Variants in SPTB observed in about 807,000 individuals in gnomAD.
The protein encoded by SPTB is spectrin beta chain, erythrocytic.
A neutral mutation model predicts 256.2 loss-of-function variants in SPTB; 45 were observed. The ratio of observed to expected loss-of-function variants is 0.18; its 90% CI spans 0.14 to 0.23. The LOEUF (loss-of-function observed/expected upper bound fraction) is 0.23, where lower values mean the gene tolerates loss of function less well. Among genes scored for constraint, SPTB ranks in the 10% least tolerant of loss-of-function variants. SPTB has a pLI of 1.00. For synonymous variants in SPTB, 1,231 were observed against 1,243.1 expected (o/e 0.99, Z 0.21); for missense variants, 2,715 against 3,040.4 (o/e 0.89, Z 2.52).
In SPTB at chr14:64,759,781, C is replaced by G. The variant is rs565325384; in HGVS notation, c.6346-5988G>C. Among the ~76,000 whole-genome samples the G allele has an allele frequency of 6.6e-6, 1 of 152,196 alleles. No individual in the cohort carries two copies. The highest frequency in any genetic ancestry group is 1.5e-5 in the Non-Finnish European group (1 of 68,032). On this transcript the variant is annotated intron_variant, in intron 32 of 35. Transcript: ENST00000644917. The surrounding 1 kb of genome is among the most constrained non-coding windows in gnomAD (Gnocchi z 4.8). ...TGTACCACTGAGGGCTGCCACCCACCGGAGCAGGGGACACTCTGAAGGAAG... is the reference window on the plus strand; with the variant it reads ...TGTACCACTGAGGGCTGCCACCCACGGGAGCAGGGGACACTCTGAAGGAAG...
At chr14:64,815,223 G>T (rs1007741911) in intron 2 of SPTB, among the ~76,000 whole-genome samples, 1 of 152,254 alleles carries the variant, frequency 6.6e-6, no homozygotes, top group African/African-American at 2.4e-5. Context: ...AGAGGCAGGA[G>T]CCAAGAGGCT....
rs1345723129 is a variant in SPTB, at chr14:64,824,962, C to T, written c.-51-1817G>A. Among the ~76,000 whole-genome samples the T allele has an allele frequency of 6.6e-6, 1 of 152,150 alleles. No homozygotes were observed. Among genetic ancestry groups the T allele is most frequent in the African/African-American group, 2.4e-5 (1 of 41,440 alleles). On this transcript the variant is annotated intron_variant, in intron 1 of 35. Coordinates refer to ENST00000644917, the MANE Select transcript of SPTB (RefSeq NM_001355436.2). The surrounding 1 kb of genome is among the most constrained non-coding windows in gnomAD (Gnocchi z 5.7). ...AACCAAGGCCTGCTGCAGGAGGAGGCCTCCCCAGGGTCATCCGGTGGAATG... is the reference window on the plus strand; with the variant it reads ...AACCAAGGCCTGCTGCAGGAGGAGGTCTCCCCAGGGTCATCCGGTGGAATG...
Position 64,749,355 on chromosome 14 carries a change from C to CCGAGGCTGGCGT in SPTB, c.6926_6937dup (p.Asp2309_Leu2312dup), listed in dbSNP as rs748362034. On this transcript the variant is annotated inframe_insertion, in exon 36 of 36. Transcript: ENST00000644917. This position sits in a 1 kb window ranked among gnomAD's most constrained non-coding sequence, Gnocchi z 4.7. ...GAATCTCTTCTCCTTGTCTTTCTTG[C>CCGAGGCTGGCGT]CGAGGCTGGCGTCGGGGCCGGAGAG... 2.5e-6 allele frequency: 4 copies of CCGAGGCTGGCGT among 1,610,416 alleles called. No individual in the cohort carries two copies. In the Admixed American group the frequency reaches 5.0e-5, roughly 20 times the overall value.
At chr14:64,801,465 A>G (rs1274276896) in intron 6 of SPTB, 65 bp from the exon 7 acceptor site, 4 of 1,192,510 alleles carry the variant, frequency 3.4e-6, no homozygotes, top group Non-Finnish European at 3.8e-6. Flanking sequence ...GGGCAGCCCT[A>G]GCATGAAGCA....
chr14:64,860,467 A>C (rs1244825340), intron 1 of SPTB, among the ~76,000 whole-genome samples: 2 of 152,076 alleles, frequency 1.3e-5, no homozygotes, highest in Non-Finnish European at 2.9e-5. Flanking sequence ...AAAGGGAAGG[A>C]ACACCCAGGT....
At chr14:64,753,989 T>C (rs1021553944) in intron 32 of SPTB, 196 bp from the exon 33 acceptor site, 2 of 702,200 alleles carry the variant, frequency 2.8e-6, no homozygotes, top group African/African-American at 1.8e-5. Flanking sequence ...ACTCTGCCTG[T>C]GCTTCTGGCT....
chr14:64,799,752 C>T lies in SPTB; in HGVS notation c.1059G>A (p.Pro353=), dbSNP rs369464948. Residue 353 remains proline, a synonymous_variant, in exon 9 of 36, where the codon CCG becomes CCA. Coordinates refer to ENST00000644917, the MANE Select transcript of SPTB (RefSeq NM_001355436.2). The part of the protein sequence containing the change: ...AFSTYRTVEK[P]PKFQEKGNLE... ...CCATGTGCCAGGGCCCTTACTTGGG[C>T]GGCTTCTCCACGGTGCGGTAGGTGC... is the stretch of plus-strand genomic sequence containing the variant. 167 of 1,614,004 alleles carry T rather than the reference C, an allele frequency of 1.0e-4. No homozygotes were observed. The highest frequency in any genetic ancestry group is 1.3e-4 in the Non-Finnish European group (149 of 1,180,024).
chr14:64,781,595 G>A (rs990235795), intron 20 of SPTB, among the ~76,000 whole-genome samples: 2 of 152,190 alleles, frequency 1.3e-5, no homozygotes, highest in Non-Finnish European at 2.9e-5. Context: ...AGAGAAAAGG[G>A]AACCCTTATA....
Position 64,854,524 on chromosome 14 carries a change from C to T in SPTB, c.-52+25268G>A, listed in dbSNP as rs182151016. ...CGATCTCCTGACCTCATGATCCGCC[C>T]GCCTCCGCCTCCCAAAGTGCTGGGA... On this transcript the variant is annotated intron_variant, in intron 1 of 35. Coordinates refer to ENST00000644917, the MANE Select transcript of SPTB (RefSeq NM_001355436.2). Among the ~76,000 whole-genome samples, 73 of 151,824 alleles carry T rather than the reference C, an allele frequency of 4.8e-4. 1 individual carries two copies. In the East Asian group the frequency reaches 0.012, roughly 24 times the overall value.
intron 1 of SPTB, among the ~76,000 whole-genome samples, chr14:64,833,270 G>A (rs2083475291): frequency 6.6e-6 from 1 of 152,146 alleles, no homozygotes; most frequent in African/African-American, 2.4e-5. Flanking sequence ...TCCCACCTCT[G>A]CTGGGCGCGG....
At chr14:64,766,546 A>G in intron 32 of SPTB, 180 bp downstream of exon 32, 1 of 1,537,570 alleles carries the variant, frequency 6.5e-7, no homozygotes, top group Non-Finnish European at 8.7e-7. Flanking sequence ...ACTCTCATGA[A>G]GAACACCTCA....
intron 1 of SPTB, among the ~76,000 whole-genome samples, chr14:64,868,180 G>A (rs1566811607): frequency 6.6e-6 from 1 of 152,208 alleles, no homozygotes; most frequent in Non-Finnish European, 1.5e-5. Context: ...TGTGGGATGG[G>A]TTAGAAAGGT....
rs1555367785 is a variant in SPTB at position 64,774,382 on chromosome 14, A to G, written c.4973+15T>C. ...CCCCATCTCCTGACCGAGTCACCACAGGGGGCGCACGCACCCCTCAGGGTG... is the reference window on the plus strand; with the variant it reads ...CCCCATCTCCTGACCGAGTCACCACGGGGGGCGCACGCACCCCTCAGGGTG... On this transcript the variant is annotated intron_variant, in intron 24 of 35. Coordinates refer to ENST00000644917, the MANE Select transcript of SPTB (RefSeq NM_001355436.2). 1 of 1,584,166 alleles carries G rather than the reference A, an allele frequency of 6.3e-7. No homozygotes were observed. Among genetic ancestry groups the G allele is most frequent in the South Asian group, 1.1e-5 (1 of 87,068 alleles).
Position 64,775,172 on chromosome 14 carries a change from A to C in SPTB, c.4795T>G (p.Trp1599Gly). 1 of 1,614,004 alleles carries C rather than the reference A, an allele frequency of 6.2e-7. No individual in the cohort carries two copies. Among genetic ancestry groups the C allele is most frequent in the Non-Finnish European group, 8.5e-7 (1 of 1,180,046 alleles). The change falls in exon 23 of 36, where the codon TGG (tryptophan) becomes GGG (glycine). Residue 1599 changes from tryptophan to glycine, a missense_variant. This residue lies in a region of SPTB where 2,239 missense variants were observed against 2,384.4 expected (regional missense o/e 0.94). Coordinates refer to ENST00000644917, the MANE Select transcript of SPTB (RefSeq NM_001355436.2). This position sits in a 1 kb window ranked among gnomAD's most constrained non-coding sequence, Gnocchi z 5.0. ...ACGTAGAGCTCCTGCTCGCCAATCC[A>C]GGCCTCAGCCTCGTCTGCATCCAGG... ...YYLDADEAEA[W>G]IGEQELYVIS...
chr14:64,867,204 A>T lies in SPTB; in HGVS notation c.-52+12588T>A, dbSNP rs549682069. On this transcript the variant is annotated intron_variant, in intron 1 of 35. Coordinates refer to ENST00000644917, the MANE Select transcript of SPTB (RefSeq NM_001355436.2). ...CTCCGTCCCATCCATAGTGTCTTCC[A>T]TTAGCCCCTCTTCATAATCTTCTAT... 1.6e-4 allele frequency among the ~76,000 whole-genome samples: 24 copies of T among 152,348 alleles called. No individual in the cohort carries two copies. The South Asian group carries it at 5.0e-3, about 32-fold the overall frequency.
Position 64,779,451 on chromosome 14 carries a change from G to A in SPTB, c.4474-205C>T, listed in dbSNP as rs2139531547. Among the ~76,000 whole-genome samples the A allele has an allele frequency of 6.6e-6, 1 of 152,352 alleles. No homozygotes were observed. The highest frequency in any genetic ancestry group is 2.4e-5 in the African/African-American group (1 of 41,580). ...CAAATAACTTGCTCCTAGTCAGACA[G>A]TGGGAAGGTAATGTAGCTGGATCTC... On this transcript the variant is annotated intron_variant, in intron 21 of 35. Coordinates refer to ENST00000644917, the MANE Select transcript of SPTB (RefSeq NM_001355436.2). The surrounding 1 kb of genome is among the most constrained non-coding windows in gnomAD (Gnocchi z 4.2).
intron 1 of SPTB, among the ~76,000 whole-genome samples, chr14:64,849,019 A>G (rs565608908): frequency 6.6e-6 from 1 of 152,340 alleles, no homozygotes; most frequent in Admixed American, 6.5e-5. Flanking sequence ...TATTCTCCCC[A>G]AAAGCTCTGA....
intron 2 of SPTB, 130 bp downstream of exon 2, chr14:64,822,817 A>G (rs1006613): frequency 0.053 from 75,263 of 1,425,766 alleles, 5,577 homozygotes; most frequent in African/African-American, 0.33. Context: ...CCTGAGCCCG[A>G]CAAACACGTC....
In SPTB at chr14:64,823,950, G is replaced by A. The variant is rs1032483331; in HGVS notation, c.-51-805C>T. ...TTGTGAGTCCATGTGATGAACCAGCGCATCAGGAGCACTGGGTCCTCCCTC... is the reference window on the plus strand; with the variant it reads ...TTGTGAGTCCATGTGATGAACCAGCACATCAGGAGCACTGGGTCCTCCCTC... On this transcript the variant is annotated intron_variant, in intron 1 of 35. Coordinates refer to ENST00000644917, the MANE Select transcript of SPTB (RefSeq NM_001355436.2). This position sits in a 1 kb window ranked among gnomAD's most constrained non-coding sequence, Gnocchi z 6.5. Among the ~76,000 whole-genome samples, 3 of 152,282 alleles carry A rather than the reference G, an allele frequency of 2.0e-5. No homozygotes were observed. The highest frequency in any genetic ancestry group is 1.9e-4 in the East Asian group (1 of 5,170).
Sources: gnomAD v4.1 joint callset for allele counts (sites outside exome capture counted in the v4.1 genomes callset) on GRCh38, gnomAD v4.1.1 for gene constraint, gnomAD v4.1.1 regional missense constraint, Gnocchi (gnomAD v3.1) non-coding constraint, MANE v1.5 for transcripts, NCBI Gene and HGNC (gene_info 2026-07-23, HGNC 2026-07-21) for gene names.